OPRM1: variants seen among roughly 807,000 people sequenced by gnomAD.
OPRM1 encodes the protein mu-type opioid receptor.
In OPRM1, 27 loss-of-function variants were observed where a neutral mutation model predicts 31.8. That is an observed-to-expected ratio of 0.85 (90% CI 0.63 to 1.17). The LOEUF (loss-of-function observed/expected upper bound fraction) is 1.17, where lower values mean the gene tolerates loss of function less well. Among genes scored for constraint, OPRM1 ranks in the 50% most tolerant of loss-of-function variants. OPRM1 has a pLI of 0.00. For synonymous variants in OPRM1, 196 were observed against 189.9 expected (o/e 1.03, Z -0.26); for missense variants, 536 against 511.1 (o/e 1.05, Z -0.47).
At chr6:154,101,046 T>C (rs899329854) in intron 3 of OPRM1, among the ~76,000 whole-genome samples, 4 of 151,492 alleles carry the variant, frequency 2.6e-5, no homozygotes, top group African/African-American at 4.8e-5. Context: ...CTTTAAGATG[T>C]AATAGAAAAG....
chr6:154,201,424 A>G (rs1486554409), intron 3 of OPRM1, among the ~76,000 whole-genome samples: 1 of 152,128 alleles, frequency 6.6e-6, no homozygotes, highest in Non-Finnish European at 1.5e-5. Context: ...AGATTCAGCA[A>G]CTCTGTCTTG....
At chr6:154,204,654 T>A (rs1259718205) in intron 3 of OPRM1, among the ~76,000 whole-genome samples, 4 of 152,192 alleles carry the variant, frequency 2.6e-5, no homozygotes, top group African/African-American at 9.7e-5. Context: ...TTAGTATCCA[T>A]GTGACCTTGA....
At chr6:154,214,502 C>CA (rs1179467489) in intron 3 of OPRM1, among the ~76,000 whole-genome samples, 1 of 152,164 alleles carries the variant, frequency 6.6e-6, no homozygotes, top group East Asian at 1.9e-4. Flanking sequence ...GCCCATTACT[C>CA]AGTTGGTTCA....
chr6:154,024,355 T>C (rs1036998006), intron 1 of OPRM1, among the ~76,000 whole-genome samples: 1 of 152,050 alleles, frequency 6.6e-6, no homozygotes, highest in African/African-American at 2.4e-5. Flanking sequence ...ACTAATTACC[T>C]TTGAATTTCT....
At chr6:154,146,408 AAAAG>A (rs1368678931) in intron 3 of OPRM1, among the ~76,000 whole-genome samples, 1 of 152,236 alleles carries the variant, frequency 6.6e-6, no homozygotes, top group African/African-American at 2.4e-5. Context: ...TCAAAAAAAG[AAAAG>A]AAAGAAAGTG....
intron 3 of OPRM1, among the ~76,000 whole-genome samples, chr6:154,236,898 C>T (rs566723179): frequency 2.0e-5 from 3 of 152,284 alleles, no homozygotes; most frequent in African/African-American, 4.8e-5. Flanking sequence ...TCCCCTGCAG[C>T]GTGCCTTTTC....
chr6:154,180,414 A>AT (rs761333730), intron 3 of OPRM1, among the ~76,000 whole-genome samples: 130 of 65,262 alleles, frequency 2.0e-3, no homozygotes, highest in African/African-American at 4.4e-3. Context: ...ATATATATAT[A>AT]TTTTTTTTTT....
At chr6:154,191,055 C>A (rs1298749003) in intron 3 of OPRM1, among the ~76,000 whole-genome samples, 1 of 151,504 alleles carries the variant, frequency 6.6e-6, no homozygotes, top group Non-Finnish European at 1.5e-5. Context: ...GACTCCATCT[C>A]AAAAAAAGAA....
chr6:154,066,483 G>A (rs1482575899), intron 1 of OPRM1, among the ~76,000 whole-genome samples: 1 of 151,900 alleles, frequency 6.6e-6, no homozygotes, highest in African/African-American at 2.4e-5. Flanking sequence ...CTTTAGTCTT[G>A]AGAGGTGTTA....
At chr6:154,044,977 C>T (rs579316) in intron 1 of OPRM1, among the ~76,000 whole-genome samples, 40,684 of 151,668 alleles carry the variant, frequency 0.27, 6,176 homozygotes, top group African/African-American at 0.4. Context: ...ACAATGCCAG[C>T]GCTTTGGGAG....
In OPRM1 at chr6:154,124,958, G is replaced by A. The variant is rs1017457868; in HGVS notation, c.*6237G>A. 6.6e-6 allele frequency among the ~76,000 whole-genome samples: 1 copy of A among 152,140 alleles called. No individual in the cohort carries two copies. Among genetic ancestry groups the A allele is most frequent in the East Asian group, 1.9e-4 (1 of 5,194 alleles). ...GTAGCAATCTATTCAAAGTTGTAAA[G>A]GTTCTGTAGAATCTCTCAGACCAGG... is the stretch of plus-strand genomic sequence containing the variant. On this transcript the variant is annotated 3_prime_UTR_variant, in exon 4 of 4. Coordinates refer to ENST00000330432, the MANE Select transcript of OPRM1 (RefSeq NM_000914.5).
intron 3 of OPRM1, among the ~76,000 whole-genome samples, chr6:154,093,831 T>G (rs1002956018): frequency 6.6e-6 from 1 of 152,210 alleles, no homozygotes; most frequent in Non-Finnish European, 1.5e-5. Context: ...TGTGTCATCA[T>G]TAGAATTAAA....
At chr6:154,138,914 C>T (rs2128537214) in intron 3 of OPRM1, among the ~76,000 whole-genome samples, 1 of 152,320 alleles carries the variant, frequency 6.6e-6, no homozygotes, top group Non-Finnish European at 1.5e-5. Context: ...TCAACCGGCA[C>T]TACCCAGATT....
intron 1 of OPRM1, among the ~76,000 whole-genome samples, chr6:154,059,916 T>C (rs1042265132): frequency 1.4e-4 from 22 of 152,226 alleles, no homozygotes; most frequent in Admixed American, 1.2e-3. Context: ...AGAGCTTTTT[T>C]AATTATTTTG....
chr6:154,199,835 G>C (rs41292900), intron 3 of OPRM1: 21 of 1,614,130 alleles, frequency 1.3e-5, no homozygotes, highest in Non-Finnish European at 1.7e-5. Context: ...TGAGGGTACA[G>C]GTGAATGAAC....
chr6:154,053,521 G>A (rs1782603483), intron 1 of OPRM1, among the ~76,000 whole-genome samples: 1 of 152,120 alleles, frequency 6.6e-6, no homozygotes. Flanking sequence ...TTATTCTTTA[G>A]AACTCAGACT....
intron 1 of OPRM1, chr6:154,083,855 A>G (rs1447277156): frequency 6.7e-6 from 1 of 149,894 alleles, no homozygotes; most frequent in Non-Finnish European, 1.5e-5. Context: ...GAGGCAGGAG[A>G]ATGGCGTGAA....
intron 3 of OPRM1, among the ~76,000 whole-genome samples, chr6:154,236,440 T>C (rs1430516575): frequency 6.6e-6 from 1 of 152,212 alleles, no homozygotes; most frequent in African/African-American, 2.4e-5. Flanking sequence ...GTCTCAGTTT[T>C]GCAAGACGAA....
intron 3 of OPRM1, among the ~76,000 whole-genome samples, chr6:154,229,532 T>TG (rs1779559547): frequency 1.3e-5 from 2 of 151,842 alleles, no homozygotes; most frequent in Admixed American, 6.6e-5. Flanking sequence ...TGTATTTTTT[T>TG]TTTTTTAGTA....
Sources: gnomAD v4.1 joint callset for allele counts (sites outside exome capture counted in the v4.1 genomes callset) on GRCh38, gnomAD v4.1.1 for gene constraint, MANE v1.5 for transcripts, NCBI Gene and HGNC (gene_info 2026-07-23, HGNC 2026-07-21) for gene names.